NBEAL1: variants seen among roughly 807,000 people sequenced by gnomAD.
The protein encoded by NBEAL1 is neurobeachin-like protein 1.
NBEAL1 carries 273 observed loss-of-function variants against 351.3 expected under a neutral mutation model. The ratio of observed to expected loss-of-function variants is 0.78; its 90% CI spans 0.70 to 0.86. The LOEUF is 0.86. NBEAL1 is among the 40% of genes least tolerant of loss of function. The probability of loss-of-function intolerance (pLI) is 0.00; values close to 1 mark genes in which losing one functional copy is unlikely to be tolerated. For synonymous variants in NBEAL1, 1,050 were observed against 1,086.4 expected, an observed-to-expected ratio of 0.97 and a Z score of 0.66; for missense variants, 2,961 against 3,201.3, an observed-to-expected ratio of 0.92 and a Z score of 1.81.
intron 26 of NBEAL1, among the ~76,000 whole-genome samples, chr2:203,132,362 A>G (rs1428875203): frequency 6.6e-6 from 1 of 152,248 alleles, no homozygotes; most frequent in Non-Finnish European, 1.5e-5. Flanking sequence ...AAGTGAGTCC[A>G]CGGAACAAGA....
At chr2:203,069,119 A>G (rs1297601922) in intron 7 of NBEAL1, among the ~76,000 whole-genome samples, 1 of 152,242 alleles carries the variant, frequency 6.6e-6, no homozygotes, top group Non-Finnish European at 1.5e-5. Flanking sequence ...TATATATGCC[A>G]TCTTTCAAAA....
chr2:203,093,116 C>T (rs1470854160), intron 10 of NBEAL1, among the ~76,000 whole-genome samples: 4 of 151,368 alleles, frequency 2.6e-5, no homozygotes, highest in African/African-American at 7.3e-5. Flanking sequence ...CCTGTAGTCC[C>T]AGCTACTGGG....
chr2:203,043,821 G>A (rs1215163224), intron 3 of NBEAL1, among the ~76,000 whole-genome samples: 1 of 152,014 alleles, frequency 6.6e-6, no homozygotes, highest in Non-Finnish European at 1.5e-5. Context: ...AAATCTTCAA[G>A]GAGGAAAAGT....
intron 4 of NBEAL1, among the ~76,000 whole-genome samples, chr2:203,054,691 T>G (rs2061378601): frequency 6.6e-6 from 1 of 152,172 alleles, no homozygotes; most frequent in Non-Finnish European, 1.5e-5. Context: ...TTTGAGTAAG[T>G]GTTGGTTATT....
At position 203,107,600 on chromosome 2, in the gene NBEAL1, C is replaced by G. The variant is rs1004947544; in HGVS notation, c.1369-8C>G. ...AACTAACCTTTTATCTTTTATGTTG[C>G]TTTTCAGGCTGTAGAGGGTGACCAC... On this transcript the variant is annotated splice_polypyrimidine_tract_variant and splice_region_variant and intron_variant, in intron 13 of 55. Coordinates refer to ENST00000683969, the MANE Select transcript of NBEAL1 (RefSeq NM_001378026.1). 54 of 1,548,906 alleles carry G rather than the reference C, an allele frequency of 3.5e-5. No homozygotes were observed. Among genetic ancestry groups the G allele is most frequent in the Non-Finnish European group, 4.3e-5 (49 of 1,145,486 alleles).
chr2:203,173,001 T>C (rs976889517), intron 41 of NBEAL1, 148 bp downstream of exon 41: 7 of 558,456 alleles, frequency 1.3e-5, no homozygotes, highest in South Asian at 3.6e-5. Context: ...CTAAGTTTTC[T>C]TGAAAATAAC....
chr2:203,200,630 G>A (rs1457859126), intron 49 of NBEAL1, among the ~76,000 whole-genome samples: 1 of 150,476 alleles, frequency 6.6e-6, no homozygotes. Context: ...GGAGACAGAG[G>A]TTGCAGTGAG....
chr2:203,154,294 A>T (rs1042939986), intron 35 of NBEAL1, among the ~76,000 whole-genome samples: 8 of 152,106 alleles, frequency 5.3e-5, no homozygotes, highest in African/African-American at 1.9e-4. Context: ...GTACAGAAAA[A>T]AAAATTATAT....
In NBEAL1 at chr2:203,135,928, G is replaced by C. The variant is rs778033190; in HGVS notation, c.4065G>C (p.Ser1355=). Residue 1355 remains serine, a synonymous_variant, in exon 28 of 56, where the codon TCG becomes TCC. Transcript: ENST00000683969. ...ITSFASANVS[S]DQWSLEDRHS... ...CTTTTGCCTCAGCTAATGTGTCTTC[G>C]GATCAGTGGAGTTTGGAGGATAGAC... 5 of 1,614,128 alleles carry C rather than the reference G, an allele frequency of 3.1e-6. No homozygotes were observed. In the South Asian group the frequency reaches 5.5e-5, roughly 18 times the overall value.
chr2:203,145,041 C>T lies in NBEAL1; in HGVS notation c.5185C>T (p.His1729Tyr). 1 of 1,607,748 alleles carries T rather than the reference C, an allele frequency of 6.2e-7. No individual in the cohort carries two copies. Among genetic ancestry groups the T allele is most frequent in the Non-Finnish European group, 8.5e-7 (1 of 1,177,444 alleles). The change falls in exon 33 of 56, where the codon CAT (histidine) becomes TAT (tyrosine). Residue 1729 changes from histidine (H) to tyrosine (Y), a missense_variant. By Grantham distance (83) the His-to-Tyr change is moderately conservative. Transcript: ENST00000683969. ...IVPYMKQYEAHTFYDGHENMA... is the reference protein window; with the variant it reads ...IVPYMKQYEAYTFYDGHENMA... ...ACCTTATATGAAGCAGTATGAAGCT[C>T]ATACATTTTACGATGGTCATGAGAA...
rs371543409 is a variant in NBEAL1 at position 203,042,107 on chromosome 2, A to G, written c.143+251A>G. On this transcript the variant is annotated intron_variant, in intron 3 of 55. Coordinates refer to ENST00000683969, the MANE Select transcript of NBEAL1 (RefSeq NM_001378026.1). ...TTCTGCAACACACTTCATTTCTGAC[A>G]CTAACTACCAGATCCCACAAGTAAA... Among the ~76,000 whole-genome samples the G allele has an allele frequency of 5.9e-5, 9 of 152,328 alleles. No individual in the cohort carries two copies. The South Asian group carries it at 6.2e-4, about 11-fold the overall frequency.
At position 203,183,228 on chromosome 2, in the gene NBEAL1, G is replaced by C. The variant is rs375521301; in HGVS notation, c.6596-51G>C. The C allele has an allele frequency of 3.9e-6, 4 of 1,036,648 alleles. No homozygotes were observed. The Admixed American group carries it at 9.1e-5, about 24-fold the overall frequency. 64.2% of individuals were successfully genotyped at this position (1,036,648 alleles called of 1,614,324 possible). ...CCCTCATTAGTGTTTGTTTTACTTC[G>C]TTTATTATAATCTAAAATGATTTGA... On this transcript the variant is annotated intron_variant, in intron 43 of 55. Coordinates refer to ENST00000683969, the MANE Select transcript of NBEAL1 (RefSeq NM_001378026.1).
intron 4 of NBEAL1, among the ~76,000 whole-genome samples, chr2:203,051,478 G>A (rs188311447): frequency 2.5e-4 from 38 of 151,746 alleles, no homozygotes; most frequent in Middle Eastern, 6.8e-3. Flanking sequence ...CCTGGGAGGC[G>A]GAGGTTTCAG....
At chr2:203,021,787 C>A (rs951454341) in intron 2 of NBEAL1, among the ~76,000 whole-genome samples, 1 of 151,828 alleles carries the variant, frequency 6.6e-6, no homozygotes, top group Non-Finnish European at 1.5e-5. Context: ...CAGTGGCTCA[C>A]GCCTGTAATC....
chr2:203,034,365 G>T (rs1375969829), intron 2 of NBEAL1, among the ~76,000 whole-genome samples: 6 of 149,744 alleles, frequency 4.0e-5, no homozygotes, highest in African/African-American at 1.5e-4. Context: ...CACCATGTTG[G>T]CCAGGATAGT....
At chr2:203,093,719 T>C (rs1318846011) in intron 10 of NBEAL1, among the ~76,000 whole-genome samples, 1 of 152,168 alleles carries the variant, frequency 6.6e-6, no homozygotes, top group East Asian at 1.9e-4. Context: ...CTGGGCATGG[T>C]GGCACACCTC....
chr2:203,207,216 C>T (rs1158084280), intron 51 of NBEAL1, among the ~76,000 whole-genome samples: 10 of 150,416 alleles, frequency 6.6e-5, no homozygotes, highest in East Asian at 6.0e-4. Context: ...GGAGCCCCTC[C>T]GCCTGGCAGC....
chr2:203,118,836 G>A (rs918760346), intron 18 of NBEAL1, among the ~76,000 whole-genome samples: 9 of 152,076 alleles, frequency 5.9e-5, no homozygotes, highest in East Asian at 3.9e-4. Context: ...TGATCCGCCC[G>A]CCTTGGCCTC....
chr2:203,159,387 C>T (rs1183830960), intron 36 of NBEAL1, among the ~76,000 whole-genome samples: 1 of 151,984 alleles, frequency 6.6e-6, no homozygotes, highest in Non-Finnish European at 1.5e-5. Flanking sequence ...CCCCTTCTCA[C>T]ATAACCTGGC....
Sources: allele counts gnomAD v4.1 joint callset (sites outside exome capture counted in the v4.1 genomes callset), GRCh38; gene constraint gnomAD v4.1.1; transcripts MANE v1.5; gene names NCBI Gene and HGNC (gene_info 2026-07-23, HGNC 2026-07-21).